G6PC2: variants seen among roughly 807,000 people sequenced by gnomAD.
The protein encoded by G6PC2 is glucose-6-phosphatase catalytic subunit 2.
In G6PC2, 41 loss-of-function variants were observed where a neutral mutation model predicts 35.4. The ratio of observed to expected loss-of-function variants is 1.16; its 90% CI spans 0.90 to 1.50. The LOEUF (loss-of-function observed/expected upper bound fraction) is 1.50, where lower values mean the gene tolerates loss of function less well. Ranked by LOEUF, G6PC2 falls within the 40% of genes most tolerant of loss-of-function variation. The pLI, the probability that G6PC2 is intolerant of heterozygous loss-of-function variation, is 0.00. For missense variants in G6PC2, 441 were observed against 426.5 expected, an observed-to-expected ratio of 1.03 and a Z score of -0.30; for synonymous variants, 165 against 153.2, an observed-to-expected ratio of 1.08 and a Z score of -0.57.
In G6PC2 at chr2:168,909,950, C is replaced by G. The variant is rs957304807; in HGVS notation, c.*1871C>G. ...TAAAACGCACTTAATAGCTTTCTTTCTAAAAGGCAACTGAACTTTCTAAAA... is the reference window on the plus strand; with the variant it reads ...TAAAACGCACTTAATAGCTTTCTTTGTAAAAGGCAACTGAACTTTCTAAAA... On this transcript the variant is annotated 3_prime_UTR_variant, in exon 5 of 5. Transcript: ENST00000375363. 2 of 152,148 alleles carry G rather than the reference C, an allele frequency of 1.3e-5. No homozygotes were observed. Among genetic ancestry groups the G allele is most frequent in the African/African-American group, 4.8e-5 (2 of 41,436 alleles). 9.4% of individuals were successfully genotyped at this position (152,148 alleles called of 1,614,324 possible). A position where few individuals can be genotyped will look rare whatever the true frequency, so the allele number is the denominator to read the frequency against.
intron 3 of G6PC2, among the ~76,000 whole-genome samples, chr2:168,904,953 A>C (rs1032275776): frequency 6.6e-6 from 1 of 152,212 alleles, no homozygotes; most frequent in African/African-American, 2.4e-5. Context: ...ACATTTTTGC[A>C]TGCACATTCC....
intron 1 of G6PC2, among the ~76,000 whole-genome samples, 189 bp from the exon 2 acceptor site, chr2:168,902,256 C>T (rs1042833591): frequency 2.6e-5 from 4 of 152,084 alleles, no homozygotes; most frequent in Admixed American, 2.6e-4. Context: ...GCCAAAATAC[C>T]AAATGGCTAC....
intron 1 of G6PC2, among the ~76,000 whole-genome samples, chr2:168,902,093 T>C (rs1419746656): frequency 1.3e-5 from 2 of 152,238 alleles, no homozygotes; most frequent in Admixed American, 6.5e-5. Flanking sequence ...ACACATATTC[T>C]GTGATTAAGA....
At chr2:168,906,372 G>A (rs563196770) in intron 3 of G6PC2, among the ~76,000 whole-genome samples, 105 of 152,234 alleles carry the variant, frequency 6.9e-4, no homozygotes, top group Middle Eastern at 6.8e-3. Context: ...CATTAAAACA[G>A]TTATTCTTAT....
At chr2:168,907,289 G>T (rs1056989972) in intron 4 of G6PC2, among the ~76,000 whole-genome samples, 2 of 152,132 alleles carry the variant, frequency 1.3e-5, no homozygotes, top group African/African-American at 4.8e-5. Context: ...AATGTTAATT[G>T]CAAGTACCTA....
chr2:168,902,104 A>G (rs1479301034), intron 1 of G6PC2, among the ~76,000 whole-genome samples: 1 of 152,228 alleles, frequency 6.6e-6, no homozygotes, highest in Admixed American at 6.5e-5. Flanking sequence ...GTGATTAAGA[A>G]TTACTTACAT....
At position 168,906,713 on chromosome 2, in the gene G6PC2, G is replaced by A; in HGVS notation, c.490G>A (p.Val164Ile). ...TGTTTTTTGGTTGATTCAAATCAGT[G>A]TCTGCATCTCCAGAGTATTCATAGC... The part of the protein sequence containing the change: ...WSVFWLIQIS[V>I]CISRVFIATH... The change falls in exon 4 of 5, where the codon GTC becomes ATC. Residue 164 changes from valine to isoleucine, a missense_variant. Coordinates refer to ENST00000375363, the MANE Select transcript of G6PC2 (RefSeq NM_021176.3). 1.2e-6 allele frequency: 2 copies of A among 1,608,130 alleles called. No individual in the cohort carries two copies. The highest frequency in any genetic ancestry group is 1.7e-6 in the Non-Finnish European group (2 of 1,174,588).
Position 168,908,303 on chromosome 2 carries a change from G to T in G6PC2, c.*224G>T, listed in dbSNP as rs368183167. 5.0e-6 allele frequency: 3 copies of T among 596,002 alleles called. No homozygotes were observed. Among genetic ancestry groups the T allele is most frequent in the South Asian group, 2.0e-5 (1 of 49,088 alleles). 36.9% of individuals were successfully genotyped at this position (596,002 alleles called of 1,614,324 possible). On this transcript the variant is annotated 3_prime_UTR_variant, in exon 5 of 5. Transcript: ENST00000375363. ...ACAAGAATATTTGACATAAAAATCGGAAGTTCTGTATTTCTTGAAAAATCT... is the reference window on the plus strand; with the variant it reads ...ACAAGAATATTTGACATAAAAATCGTAAGTTCTGTATTTCTTGAAAAATCT...
At chr2:168,903,207 A>G (rs1439229498) in intron 2 of G6PC2, among the ~76,000 whole-genome samples, 1 of 152,208 alleles carries the variant, frequency 6.6e-6, no homozygotes, top group African/African-American at 2.4e-5. Flanking sequence ...TTTAAAAATT[A>G]CATTTTAATT....
Position 168,907,756 on chromosome 2 carries a change from A to C in G6PC2, c.745A>C (p.Ile249Leu), listed in dbSNP as rs149616455. 5 of 1,613,910 alleles carry C rather than the reference A, an allele frequency of 3.1e-6. No homozygotes were observed. Among genetic ancestry groups the C allele is most frequent in the Non-Finnish European group, 4.2e-6 (5 of 1,179,974 alleles). Residue 249 changes from isoleucine to leucine, a missense_variant, in exon 5 of 5, where the codon ATC (isoleucine) becomes CTC (leucine). Coordinates refer to ENST00000375363, the MANE Select transcript of G6PC2 (RefSeq NM_021176.3). ...AKKWCANPDW[I>L]HIDTTPFAGL... ...AAAGTGGTGTGCTAACCCCGACTGG[A>C]TCCACATTGACACCACGCCTTTTGC...
At chr2:168,901,999 G>A (rs897754274) in intron 1 of G6PC2, among the ~76,000 whole-genome samples, 2 of 152,154 alleles carry the variant, frequency 1.3e-5, no homozygotes, top group East Asian at 1.9e-4. Context: ...GCTTCCTAAA[G>A]TGCTGGGATT....
At chr2:168,905,016 A>G (rs748396232) in intron 3 of G6PC2, among the ~76,000 whole-genome samples, 1 of 152,240 alleles carries the variant, frequency 6.6e-6, no homozygotes, top group Non-Finnish European at 1.5e-5. Flanking sequence ...CCTTGACTGC[A>G]TCAGTTTATT....
intron 3 of G6PC2, among the ~76,000 whole-genome samples, chr2:168,905,080 A>G (rs1265013755): frequency 3.3e-5 from 5 of 152,222 alleles, no homozygotes; most frequent in African/African-American, 1.2e-4. Flanking sequence ...TTTCAGTAAC[A>G]TATATTCCAG....
chr2:168,906,120 A>C (rs536688611), intron 3 of G6PC2, among the ~76,000 whole-genome samples: 1 of 151,772 alleles, frequency 6.6e-6, no homozygotes, highest in African/African-American at 2.4e-5. Flanking sequence ...CAAAAGAAAA[A>C]AAAAAAACAA....
At chr2:168,906,918 C>A in intron 4 of G6PC2, 139 bp downstream of exon 4, 1 of 706,606 alleles carries the variant, frequency 1.4e-6, no homozygotes, top group South Asian at 1.5e-5. Flanking sequence ...TAAATGCTAC[C>A]CCGGGAGCTG....
chr2:168,906,854 T>TC, intron 4 of G6PC2, 75 bp downstream of exon 4: 1 of 829,140 alleles, frequency 1.2e-6, no homozygotes, highest in Non-Finnish European at 2.1e-6. Context: ...TATCAGATTG[T>TC]CCCCGGTAAT....
intron 1 of G6PC2, 98 bp from the exon 2 acceptor site, chr2:168,902,347 G>A (rs564464028): frequency 4.5e-5 from 32 of 708,554 alleles, no homozygotes; most frequent in South Asian, 3.0e-4. Context: ...TTAACCCTGC[G>A]CTTGAGTCAT....
intron 3 of G6PC2, 111 bp downstream of exon 3, chr2:168,904,727 T>C (rs2105853254): frequency 1.4e-6 from 1 of 735,356 alleles, no homozygotes; most frequent in Non-Finnish European, 2.5e-6. Flanking sequence ...AAAATGTGCT[T>C]ATTCTATTCT....
intron 4 of G6PC2, among the ~76,000 whole-genome samples, chr2:168,907,117 C>T (rs1179646834): frequency 6.6e-6 from 1 of 152,214 alleles, no homozygotes; most frequent in Non-Finnish European, 1.5e-5. Context: ...CTGAGCCCTG[C>T]ACACTGTGCC....
Sources: allele counts gnomAD v4.1 joint callset (sites outside exome capture counted in the v4.1 genomes callset), GRCh38; gene constraint gnomAD v4.1.1; transcripts MANE v1.5; gene names NCBI Gene and HGNC (gene_info 2026-07-23, HGNC 2026-07-21).